The following GPC3 variants were observed in gnomAD, a reference collection of about 807,000 sequenced individuals.
The protein encoded by GPC3 is glypican-3.
In GPC3, 3 loss-of-function variants were observed where a neutral mutation model predicts 34.4. That is an observed-to-expected ratio of 0.09 (90% confidence interval 0.04 to 0.23). GPC3 has a LOEUF of 0.23. Ranked by LOEUF, GPC3 falls within the 10% of genes least tolerant of loss-of-function variation. The pLI, the probability that GPC3 is intolerant of heterozygous loss-of-function variation, is 1.00. For missense variants in GPC3, 351 were observed against 445.6 expected (o/e 0.79, Z 1.91); for synonymous variants, 177 against 174.0 (o/e 1.02, Z -0.13).
intron 6 of GPC3, among the ~76,000 whole-genome samples, chrX:133,630,035 C>T (rs769839544): frequency 4.5e-4 from 48 of 107,470 alleles, no homozygotes; most frequent in African/African-American, 1.5e-3. Flanking sequence ...GCCTGGGCAA[C>T]AAGAGTGAAA....
At chrX:133,560,474 C>T (rs920141203) in intron 7 of GPC3, among the ~76,000 whole-genome samples, 1 of 112,626 alleles carries the variant, frequency 8.9e-6, no homozygotes, top group African/African-American at 3.2e-5. Context: ...CATGGTGGCT[C>T]ACGCCTGTAA....
At chrX:133,836,482 C>A (rs769700130) in intron 2 of GPC3, among the ~76,000 whole-genome samples, 1 of 112,268 alleles carries the variant, frequency 8.9e-6, no homozygotes, top group Non-Finnish European at 1.9e-5. Flanking sequence ...AATTCCACAT[C>A]TTTCCTTCCA....
At chrX:133,583,831 C>T (rs2069757376) in intron 7 of GPC3, among the ~76,000 whole-genome samples, 1 of 112,331 alleles carries the variant, frequency 8.9e-6, no homozygotes, top group Non-Finnish European at 1.9e-5. Flanking sequence ...GATCTACTCT[C>T]CTCTTCCATA....
intron 2 of GPC3, among the ~76,000 whole-genome samples, chrX:133,866,007 A>T (rs1376903827): frequency 8.9e-6 from 1 of 112,387 alleles, no homozygotes; most frequent in Non-Finnish European, 1.9e-5. Context: ...CAATTTAAAT[A>T]TGAAAAATTG....
chrX:133,637,123 G>A (rs1432330704), intron 6 of GPC3, among the ~76,000 whole-genome samples: 1 of 111,709 alleles, frequency 9.0e-6, no homozygotes, highest in Admixed American at 9.5e-5. Flanking sequence ...CAGGTGCACT[G>A]GTCCTTGTAG....
At chrX:133,829,934 C>T (rs1319490741) in intron 2 of GPC3, among the ~76,000 whole-genome samples, 1 of 111,750 alleles carries the variant, frequency 8.9e-6, no homozygotes, top group African/African-American at 3.3e-5. Flanking sequence ...TGTAATCTTC[C>T]CAAATTTATC....
At chrX:133,720,689 C>T (rs1157283730) in intron 3 of GPC3, among the ~76,000 whole-genome samples, 4 of 111,390 alleles carry the variant, frequency 3.6e-5, no homozygotes, top group African/African-American at 1.3e-4. Context: ...ATATATACAC[C>T]ATGGAATACT....
intron 2 of GPC3, among the ~76,000 whole-genome samples, chrX:133,835,926 T>G (rs1475244857): frequency 8.8e-6 from 1 of 113,038 alleles, no homozygotes; most frequent in Non-Finnish European, 1.9e-5. Flanking sequence ...TCTCTCTTCT[T>G]TAGGTCTGAG....
rs191635772 is a variant in GPC3, at chrX:133,692,658, T to A, written c.1167-164A>T. Among the ~76,000 whole-genome samples the A allele has an allele frequency of 5.2e-3, 586 of 112,713 alleles. 3 individuals are homozygous for A. Among genetic ancestry groups the A allele is most frequent in the African/African-American group, 0.018 (543 of 31,022 alleles). On this transcript the variant is annotated intron_variant, in intron 4 of 7. Transcript: ENST00000370818. ...TACAAGGCCACAGTTTAGTTTTTTT[T>A]TAAAAATCAATAAAATGATATTAGA...
At chrX:133,891,037 A>T (rs2076084406) in intron 2 of GPC3, among the ~76,000 whole-genome samples, 1 of 109,979 alleles carries the variant, frequency 9.1e-6, no homozygotes, top group South Asian at 3.9e-4. Flanking sequence ...TCTTAAAAAA[A>T]AATAAAGAAA....
At chrX:133,554,940 G>A (rs1306013562) in intron 7 of GPC3, among the ~76,000 whole-genome samples, 2 of 112,269 alleles carry the variant, frequency 1.8e-5, no homozygotes, top group Non-Finnish European at 3.8e-5. Flanking sequence ...TGGCACTGAG[G>A]AACAAGCATT....
intron 3 of GPC3, among the ~76,000 whole-genome samples, chrX:133,709,842 C>T (rs1031818816): frequency 1.8e-5 from 2 of 112,180 alleles, no homozygotes; most frequent in Non-Finnish European, 3.8e-5. Flanking sequence ...ATGGGCATGG[C>T]AGGCATTTTC....
At chrX:133,733,526 G>A (rs2071481783) in intron 3 of GPC3, among the ~76,000 whole-genome samples, 2 of 111,014 alleles carry the variant, frequency 1.8e-5, no homozygotes, top group Non-Finnish European at 3.8e-5. Flanking sequence ...CAGTAGGAAG[G>A]AAATAACAAA....
chrX:133,693,256 G>T (rs1165321919), intron 4 of GPC3, among the ~76,000 whole-genome samples: 1 of 107,865 alleles, frequency 9.3e-6, no homozygotes, highest in African/African-American at 3.4e-5. Flanking sequence ...TATTATGTCT[G>T]CAATTGTATG....
intron 7 of GPC3, among the ~76,000 whole-genome samples, chrX:133,583,712 C>T (rs755242220): frequency 8.9e-6 from 1 of 112,110 alleles, no homozygotes; most frequent in Non-Finnish European, 1.9e-5. Context: ...AGTCAGGAAG[C>T]TGATTGTTTC....
intron 2 of GPC3, among the ~76,000 whole-genome samples, chrX:133,776,413 G>A (rs2071981115): frequency 9.0e-6 from 1 of 111,119 alleles, no homozygotes; most frequent in East Asian, 2.8e-4. Flanking sequence ...GCTAGTATTC[G>A]AGATCGCTAA....
chrX:133,962,909 G>A (rs1307064772), intron 1 of GPC3, among the ~76,000 whole-genome samples: 4 of 111,593 alleles, frequency 3.6e-5, no homozygotes, highest in Admixed American at 2.9e-4. Context: ...GTTATTATCT[G>A]CTCTGCTACC....
intron 2 of GPC3, among the ~76,000 whole-genome samples, chrX:133,843,250 G>A (rs1365399719): frequency 1.8e-5 from 2 of 111,473 alleles, no homozygotes; most frequent in Non-Finnish European, 3.8e-5. Flanking sequence ...TGTTGGAGGT[G>A]GGGCCTGGTG....
At chrX:133,667,644 A>G (rs778028045) in intron 5 of GPC3, among the ~76,000 whole-genome samples, 12 of 110,424 alleles carry the variant, frequency 1.1e-4, no homozygotes, top group African/African-American at 4.0e-4. Context: ...TGAGTCCAGG[A>G]GTTTGAGACC....
Sources: allele counts gnomAD v4.1 joint callset (sites outside exome capture counted in the v4.1 genomes callset), GRCh38; gene constraint gnomAD v4.1.1; transcripts MANE v1.5; gene names NCBI Gene and HGNC (gene_info 2026-07-23, HGNC 2026-07-21).